Variants in GNA14 observed in about 807,000 individuals in gnomAD.
GNA14 encodes G protein subunit alpha 14, also known as guanine nucleotide-binding protein subunit alpha-14.
Under a neutral mutation model 42.0 loss-of-function variants are expected in GNA14, and 50 were observed. The ratio of observed to expected loss-of-function variants is 1.19; its 90% CI spans 0.95 to 1.51. The LOEUF is 1.51. GNA14 is among the 40% of genes most tolerant of loss of function. The pLI is 0.00. For missense variants in GNA14, 473 were observed against 446.2 expected, an observed-to-expected ratio of 1.06 and a Z score of -0.54; for synonymous variants, 173 against 163.1, an observed-to-expected ratio of 1.06 and a Z score of -0.46.
At chr9:77,497,231 G>A (rs1034760766) in intron 2 of GNA14, among the ~76,000 whole-genome samples, 19 of 152,128 alleles carry the variant, frequency 1.2e-4, no homozygotes, top group South Asian at 6.2e-4. Context: ...AACCCAAAAG[G>A]TGAAGAAAAC....
chr9:77,526,176 G>C (rs1375674146), intron 2 of GNA14, among the ~76,000 whole-genome samples: 1 of 150,998 alleles, frequency 6.6e-6, no homozygotes, highest in Non-Finnish European at 1.5e-5. Context: ...GCCTCCCAAA[G>C]TACTGGGTTA....
At chr9:77,444,000 G>C (rs1289748325) in intron 2 of GNA14, among the ~76,000 whole-genome samples, 2 of 152,094 alleles carry the variant, frequency 1.3e-5, no homozygotes, top group African/African-American at 2.4e-5. Context: ...ACAAACTTCA[G>C]TGTGTTTCAC....
chr9:77,616,527 G>A (rs111988049), intron 1 of GNA14, among the ~76,000 whole-genome samples: 4 of 152,204 alleles, frequency 2.6e-5, no homozygotes, highest in Non-Finnish European at 4.4e-5. Flanking sequence ...GGGCACTCAG[G>A]GGCAGTGGGT....
intron 2 of GNA14, among the ~76,000 whole-genome samples, chr9:77,468,968 T>C (rs886488317): frequency 4.6e-5 from 7 of 152,222 alleles, no homozygotes; most frequent in Non-Finnish European, 8.8e-5. Flanking sequence ...CAGCACATTT[T>C]TGTGAATTTC....
chr9:77,536,298 C>A (rs1395247051), intron 1 of GNA14, among the ~76,000 whole-genome samples: 1 of 152,104 alleles, frequency 6.6e-6, no homozygotes, highest in Non-Finnish European at 1.5e-5. Context: ...AAAACAACAG[C>A]AGAACAACGG....
intron 2 of GNA14, among the ~76,000 whole-genome samples, chr9:77,452,846 T>TC (rs1758987804): frequency 6.6e-6 from 1 of 151,604 alleles, no homozygotes; most frequent in Admixed American, 6.6e-5. Context: ...TTAAAAGAGG[T>TC]CTGAGCTGGG....
chr9:77,445,665 C>A (rs1835805633), intron 2 of GNA14, among the ~76,000 whole-genome samples: 1 of 152,106 alleles, frequency 6.6e-6, no homozygotes, highest in East Asian at 1.9e-4. Flanking sequence ...TCACTTGAAC[C>A]TAGGAGTCGG....
At chr9:77,431,145 T>C (rs2131689152) in intron 4 of GNA14, among the ~76,000 whole-genome samples, 176 bp downstream of exon 4, 1 of 151,672 alleles carries the variant, frequency 6.6e-6, no homozygotes, top group South Asian at 2.1e-4. Flanking sequence ...GAAGGTGACT[T>C]CCTCTCCATT....
At chr9:77,449,474 C>A (rs1264357694) in intron 2 of GNA14, among the ~76,000 whole-genome samples, 1 of 152,170 alleles carries the variant, frequency 6.6e-6, no homozygotes, top group African/African-American at 2.4e-5. Context: ...AGTGCTAGTT[C>A]CCCTGAGGTT....
intron 2 of GNA14, among the ~76,000 whole-genome samples, chr9:77,487,407 T>C (rs1836679904): frequency 6.6e-6 from 1 of 152,222 alleles, no homozygotes; most frequent in Non-Finnish European, 1.5e-5. Flanking sequence ...AATAAAAAAG[T>C]AAGCAGTTGA....
intron 2 of GNA14, among the ~76,000 whole-genome samples, chr9:77,528,486 T>C (rs553361953): frequency 2.0e-5 from 3 of 152,294 alleles, no homozygotes; most frequent in African/African-American, 7.2e-5. Context: ...AGCAGATTTG[T>C]ATTTTAAGTA....
In GNA14 at chr9:77,482,244, G is replaced by A. The variant is rs528273778; in HGVS notation, c.309+46825C>T. 3.3e-3 allele frequency among the ~76,000 whole-genome samples: 498 copies of A among 151,906 alleles called. 2 individuals carry two copies. Among genetic ancestry groups the A allele is most frequent in the African/African-American group, 0.012 (488 of 41,498 alleles). ...TCAGGAGCTCTTTTAGGGCAGGCCT[G>A]GTGGTGACAAAATCTCTCAGCATTT... On this transcript the variant is annotated intron_variant, in intron 2 of 6. Transcript: ENST00000341700.
At chr9:77,480,311 T>C (rs1836521399) in intron 2 of GNA14, among the ~76,000 whole-genome samples, 1 of 152,254 alleles carries the variant, frequency 6.6e-6, no homozygotes, top group Non-Finnish European at 1.5e-5. Context: ...GAGATAATCA[T>C]GTGGTTTTTG....
intron 2 of GNA14, among the ~76,000 whole-genome samples, chr9:77,465,684 A>C (rs576985352): frequency 6.7e-6 from 1 of 148,836 alleles, no homozygotes; most frequent in South Asian, 2.1e-4. Flanking sequence ...TTTTTTTTTG[A>C]GGCCTCAGCC....
intron 2 of GNA14, among the ~76,000 whole-genome samples, chr9:77,443,349 G>T (rs1025515745): frequency 1.3e-5 from 2 of 151,978 alleles, no homozygotes; most frequent in East Asian, 3.9e-4. Context: ...AGCTTCTTTT[G>T]ATCAATTTTC....
intron 3 of GNA14, chr9:77,431,777 G>A (rs1835559518): frequency 4.4e-6 from 1 of 229,428 alleles, no homozygotes; most frequent in Middle Eastern, 1.4e-3. Flanking sequence ...TGTTGGAAAT[G>A]GCTCTCTCCA....
intron 1 of GNA14, among the ~76,000 whole-genome samples, chr9:77,541,935 C>T (rs1345763368): frequency 1.3e-5 from 2 of 152,042 alleles, no homozygotes; most frequent in Non-Finnish European, 2.9e-5. Flanking sequence ...TCATTCATAT[C>T]CTGAATTGTT....
intron 6 of GNA14, 64 bp from the exon 7 acceptor site, chr9:77,424,233 T>C: frequency 9.1e-7 from 1 of 1,094,674 alleles, no homozygotes; most frequent in Non-Finnish European, 1.3e-6. Flanking sequence ...CCCAAGAACC[T>C]TTTTTTTGAG....
intron 1 of GNA14, among the ~76,000 whole-genome samples, chr9:77,592,241 T>A (rs564069752): frequency 6.6e-6 from 1 of 152,252 alleles, no homozygotes; most frequent in East Asian, 1.9e-4. Flanking sequence ...GGTGCTTGAA[T>A]CCATTCCTAA....
Sources: allele counts gnomAD v4.1 joint callset (sites outside exome capture counted in the v4.1 genomes callset), GRCh38; gene constraint gnomAD v4.1.1; transcripts MANE v1.5; gene names NCBI Gene and HGNC (gene_info 2026-07-23, HGNC 2026-07-21).